The following CHEK1 variants were observed in gnomAD, a reference collection of about 807,000 sequenced individuals.
CHEK1 encodes serine/threonine-protein kinase Chk1.
In CHEK1, 32 loss-of-function variants were observed where a neutral mutation model predicts 60.2. The ratio of observed to expected loss-of-function variants is 0.53; its 90% CI spans 0.40 to 0.71. The LOEUF is 0.71. Among genes scored for constraint, CHEK1 ranks in the 30% least tolerant of loss-of-function variants. CHEK1 has a pLI of 0.00. For synonymous variants in CHEK1, 179 were observed against 187.2 expected (o/e 0.96, Z 0.36); for missense variants, 399 against 564.6 (o/e 0.71, Z 2.97).
intron 11 of CHEK1, 34 bp downstream of exon 11, chr11:125,644,677 TGAA>T (rs760912590): frequency 3.8e-6 from 6 of 1,599,544 alleles, no homozygotes; most frequent in East Asian, 4.5e-5. Context: ...TACCTTTTCC[TGAA>T]GAAGAATTTA....
chr11:125,644,250 C>T lies in CHEK1; in HGVS notation c.1083C>T (p.Gly361=), dbSNP rs200239581. The part of the protein sequence containing the change: ...DHMLLNSQLL[G]TPGSSQNPWQ... ...TGCTTTTGAATAGTCAGTTACTTGG[C>T]ACCCCAGGATCCTCACAGGTGAGGG... The change falls in exon 10 of 13, where the codon GGC becomes GGT. Residue 361 remains glycine (G), a synonymous_variant. Coordinates refer to ENST00000438015, the MANE Select transcript of CHEK1 (RefSeq NM_001114122.3). 1.7e-5 allele frequency: 28 copies of T among 1,612,862 alleles called. No individual in the cohort carries two copies. The highest frequency in any genetic ancestry group is 2.4e-5 in the Non-Finnish European group (28 of 1,179,746).
At chr11:125,679,076 A>G (rs766236606), downstream of CHEK1, among the ~76,000 whole-genome samples, 1 of 148,388 alleles carries the variant, frequency 6.7e-6, no homozygotes, top group Non-Finnish European at 1.5e-5. Context: ...TGAGTACTTA[A>G]TAAGATAAAT....
chr11:125,678,857 C>T (rs1447532621), downstream of CHEK1, among the ~76,000 whole-genome samples: 7 of 150,870 alleles, frequency 4.6e-5, no homozygotes, highest in East Asian at 2.0e-4. Context: ...GGGATTAAGC[C>T]GCCTGTATTT....
At chr11:125,661,484 G>C (rs919995380), downstream of CHEK1, among the ~76,000 whole-genome samples, 10 of 151,986 alleles carry the variant, frequency 6.6e-5, no homozygotes, top group African/African-American at 2.4e-4. Context: ...GCTAATTTTT[G>C]TATTTTTAGT....
At chr11:125,670,617 C>T (rs1313456070) in intron 13 of CHEK1, among the ~76,000 whole-genome samples, 2 of 152,054 alleles carry the variant, frequency 1.3e-5, no homozygotes, top group Non-Finnish European at 2.9e-5. Flanking sequence ...AGAGGTTATC[C>T]TCAAATTTAG....
chr11:125,651,835 G>C (rs1941749260), intron 11 of CHEK1, among the ~76,000 whole-genome samples: 1 of 152,322 alleles, frequency 6.6e-6, no homozygotes, highest in African/African-American at 2.4e-5. Flanking sequence ...ACAATGTTCT[G>C]AAAAAGTTGA....
chr11:125,626,350 A>G, intron 1 of CHEK1: 1 of 432,852 alleles, frequency 2.3e-6, no homozygotes, highest in East Asian at 3.7e-5. Context: ...AGCAATTGGG[A>G]GGAGGCGCTG....
Position 125,644,290 on chromosome 11 carries a change from A to T in CHEK1, c.1101+22A>T, listed in dbSNP as rs1401626903. 4.4e-6 allele frequency: 7 copies of T among 1,591,998 alleles called. No homozygotes were observed. In the East Asian group the frequency reaches 1.3e-4, roughly 30 times the overall value. ...ACAGGTGAGGGAATTTAATTTTTTAAAAGTAATGGCAGCTCTTTATTTTTT... is the reference window on the plus strand; with the variant it reads ...ACAGGTGAGGGAATTTAATTTTTTATAAGTAATGGCAGCTCTTTATTTTTT... On this transcript the variant is annotated intron_variant, in intron 10 of 12. Coordinates refer to ENST00000438015, the MANE Select transcript of CHEK1 (RefSeq NM_001114122.3).
chr11:125,632,147 C>G (rs1940891316), intron 5 of CHEK1, among the ~76,000 whole-genome samples: 1 of 152,130 alleles, frequency 6.6e-6, no homozygotes, highest in Non-Finnish European at 1.5e-5. Context: ...CACTTACACA[C>G]TATTTCATGT....
chr11:125,676,475 G>A (rs201491308), downstream of CHEK1: 110 of 1,614,064 alleles, frequency 6.8e-5, no homozygotes, highest in East Asian at 2.4e-3. Context: ...ATTTAATATT[G>A]TGCCTGAAAA....
chr11:125,643,742 C>G, intron 8 of CHEK1, 50 bp from the exon 9 acceptor site: 1 of 1,429,374 alleles, frequency 7.0e-7, no homozygotes, highest in Non-Finnish European at 9.6e-7. Flanking sequence ...AATTTAAAAA[C>G]ATACTTGCAT....
downstream of CHEK1, chr11:125,677,651 G>A (rs1168465303): frequency 1.6e-5 from 18 of 1,119,392 alleles, no homozygotes; most frequent in Middle Eastern, 2.2e-4. Context: ...TGATTGTGAC[G>A]AGAACTAGAG....
intron 5 of CHEK1, among the ~76,000 whole-genome samples, chr11:125,632,454 C>A (rs502482): frequency 0.034 from 5,107 of 152,170 alleles, 119 homozygotes; most frequent in Non-Finnish European, 0.046. Flanking sequence ...ATTTTTATAA[C>A]CTTCATAACA....
chr11:125,661,121 A>T (rs555765822), downstream of CHEK1, among the ~76,000 whole-genome samples: 1 of 152,210 alleles, frequency 6.6e-6, no homozygotes, highest in East Asian at 1.9e-4. Flanking sequence ...TAAATCATAT[A>T]AAATGTCCCT....
downstream of CHEK1, among the ~76,000 whole-genome samples, chr11:125,661,559 G>A (rs769566460): frequency 2.6e-5 from 4 of 152,000 alleles, no homozygotes; most frequent in Non-Finnish European, 4.4e-5. Flanking sequence ...TTATCTGCCC[G>A]CCTTGGCCTC....
chr11:125,668,293 C>T (rs1435575912), intron 13 of CHEK1, among the ~76,000 whole-genome samples: 1 of 152,088 alleles, frequency 6.6e-6, no homozygotes, highest in African/African-American at 2.4e-5. Flanking sequence ...TATTTCTTGA[C>T]CTTGATACTT....
At chr11:125,637,594 T>A in intron 8 of CHEK1, 50 bp downstream of exon 8, 1 of 1,340,870 alleles carries the variant, frequency 7.5e-7, no homozygotes, top group Non-Finnish European at 1.1e-6. Context: ...GAAGAAAAGG[T>A]AATTGCAAAG....
chr11:125,630,075 G>T (rs943107461), intron 5 of CHEK1, among the ~76,000 whole-genome samples: 1 of 152,024 alleles, frequency 6.6e-6, no homozygotes, highest in Admixed American at 6.6e-5. Context: ...AAGTTCCTGT[G>T]GAATACCCTG....
chr11:125,651,626 A>G (rs1172360870), intron 11 of CHEK1, among the ~76,000 whole-genome samples: 1 of 152,096 alleles, frequency 6.6e-6, no homozygotes, highest in African/African-American at 2.4e-5. Context: ...AGAGGGTCAG[A>G]TCGGCTTAAG....
Sources: allele counts gnomAD v4.1 joint callset (sites outside exome capture counted in the v4.1 genomes callset), GRCh38; gene constraint gnomAD v4.1.1; transcripts MANE v1.5; gene names NCBI Gene and HGNC (gene_info 2026-07-23, HGNC 2026-07-21).